SV2C: variants seen among roughly 807,000 people sequenced by gnomAD.
The protein encoded by SV2C is solute carrier family 22 member B3.
Under a neutral mutation model 79.7 loss-of-function variants are expected in SV2C, and 49 were observed. That is an observed-to-expected ratio of 0.61 (90% CI 0.49 to 0.78). The LOEUF is 0.78. Ranked by LOEUF, SV2C falls within the 30% of genes least tolerant of loss-of-function variation. The probability of loss-of-function intolerance (pLI) is 0.00; values close to 1 mark genes in which losing one functional copy is unlikely to be tolerated. For synonymous variants in SV2C, 334 were observed against 333.2 expected (o/e 1.00, Z -0.03); for missense variants, 833 against 912.9 (o/e 0.91, Z 1.13).
chr5:76,260,349 G>A (rs1746423700), intron 4 of SV2C, among the ~76,000 whole-genome samples: 1 of 151,866 alleles, frequency 6.6e-6, no homozygotes, highest in East Asian at 1.9e-4. Context: ...GTAAACCTTT[G>A]TCAGATGGAT....
At chr5:76,084,939 G>A (rs1227916070) in intron 1 of SV2C, among the ~76,000 whole-genome samples, 1 of 152,088 alleles carries the variant, frequency 6.6e-6, no homozygotes, top group African/African-American at 2.4e-5. Flanking sequence ...CGCAGCTACC[G>A]GGCGCTCCCC....
At chr5:76,197,249 T>C (rs575006867) in intron 3 of SV2C, among the ~76,000 whole-genome samples, 2 of 152,336 alleles carry the variant, frequency 1.3e-5, no homozygotes, top group African/African-American at 4.8e-5. Context: ...CACTCACTCA[T>C]AGTTTGGCAT....
the SV2C span, among the ~76,000 whole-genome samples, chr5:76,010,742 A>G: frequency 6.6e-6 from 1 of 152,162 alleles, no homozygotes; most frequent in Admixed American, 6.6e-5. Flanking sequence ...CTGAAGGAAA[A>G]AAGGGTCCAG....
chr5:75,979,565 T>A, the SV2C span, among the ~76,000 whole-genome samples: 1 of 140,898 alleles, frequency 7.1e-6, no homozygotes, highest in East Asian at 1.9e-4. Flanking sequence ...AAATAAAGAC[T>A]AGGAAATTCA....
At chr5:76,154,687 G>A (rs6898301) in intron 2 of SV2C, among the ~76,000 whole-genome samples, 72,217 of 151,974 alleles carry the variant, frequency 0.48, 17,377 homozygotes, top group South Asian at 0.53. Flanking sequence ...CAGAAAAACT[G>A]AAAATTACTA....
rs1225429953 is a variant in SV2C, at chr5:76,328,681, T to C, written c.*3134T>C. On this transcript the variant is annotated 3_prime_UTR_variant, in exon 13 of 13. Transcript: ENST00000502798. Reference sequence around the variant, plus strand: ...CTTTCCCCGTGCACAAAATAAAGGATTGGGACTAGTCTGCTCTCCACTCTC... The same window carrying C: ...CTTTCCCCGTGCACAAAATAAAGGACTGGGACTAGTCTGCTCTCCACTCTC... The C allele has an allele frequency of 6.6e-6, 1 of 152,184 alleles. No individual in the cohort carries two copies. The highest frequency in any genetic ancestry group is 2.1e-4 in the South Asian group (1 of 4,824). The allele number at this position is 152,184 out of a possible 1,614,324, so 9.4% of individuals were successfully genotyped here.
the SV2C span, among the ~76,000 whole-genome samples, chr5:75,964,639 A>C: frequency 6.6e-6 from 1 of 152,154 alleles, no homozygotes; most frequent in South Asian, 2.1e-4. Context: ...AGCTTCCACA[A>C]AATATTCTGG....
chr5:76,303,795 T>A (rs1021584615), intron 12 of SV2C, among the ~76,000 whole-genome samples: 4 of 152,210 alleles, frequency 2.6e-5, no homozygotes, highest in African/African-American at 9.7e-5. Flanking sequence ...ATGAAGCAGA[T>A]GTCAGGATGG....
chr5:76,113,395 C>T (rs1281191507), intron 1 of SV2C, among the ~76,000 whole-genome samples: 1 of 152,194 alleles, frequency 6.6e-6, no homozygotes, highest in African/African-American at 2.4e-5. Flanking sequence ...TTCTGTGGAG[C>T]AGGTGCAAAA....
the SV2C span, among the ~76,000 whole-genome samples, chr5:75,949,322 C>T: frequency 2.6e-5 from 4 of 152,022 alleles, no homozygotes; most frequent in African/African-American, 9.7e-5. Context: ...TGGACTAGTA[C>T]ACTGACTTAG....
At chr5:76,127,829 A>T (rs1748760407) in intron 1 of SV2C, among the ~76,000 whole-genome samples, 1 of 152,110 alleles carries the variant, frequency 6.6e-6, no homozygotes, top group Admixed American at 6.5e-5. Flanking sequence ...GTGGGGAAAA[A>T]TTCCGAGGCA....
At chr5:76,079,990 C>A (rs539070959), upstream of SV2C, among the ~76,000 whole-genome samples, 16 of 151,650 alleles carry the variant, frequency 1.1e-4, no homozygotes, top group Non-Finnish European at 2.1e-4. Flanking sequence ...AACAGCACAG[C>A]AAAGACTGCC....
intron 10 of SV2C, among the ~76,000 whole-genome samples, chr5:76,300,233 T>G (rs906313808): frequency 6.6e-5 from 10 of 150,856 alleles, no homozygotes; most frequent in African/African-American, 2.4e-4. Context: ...CAAGCTAGTC[T>G]TGAACTCCTG....
chr5:75,993,283 T>G, the SV2C span, among the ~76,000 whole-genome samples: 4 of 152,178 alleles, frequency 2.6e-5, no homozygotes, highest in South Asian at 8.3e-4. Flanking sequence ...CAAAACATTG[T>G]AACATTTTTC....
chr5:76,032,864 CA>C, the SV2C span, among the ~76,000 whole-genome samples: 2 of 152,340 alleles, frequency 1.3e-5, no homozygotes, highest in African/African-American at 4.8e-5. Flanking sequence ...GTCCCACCAA[CA>C]GTATAAAAGT....
In SV2C at chr5:76,216,310, A is replaced by T. The variant is rs10051522; in HGVS notation, c.913+6423A>T. 2.6e-5 allele frequency among the ~76,000 whole-genome samples: 4 copies of T among 151,892 alleles called. No homozygotes were observed. In the East Asian group the frequency reaches 5.8e-4, roughly 22 times the overall value. ...CACCCAATGCTGACAAGACCTTAGG[A>T]GGCAGAGTGCTTGGCTGTGGTCACA... On this transcript the variant is annotated intron_variant, in intron 4 of 12. Transcript: ENST00000502798.
At chr5:75,869,066 T>C in the SV2C span, among the ~76,000 whole-genome samples, 34,242 of 152,056 alleles carry the variant, frequency 0.23, 5,461 homozygotes, top group African/African-American at 0.46. Flanking sequence ...GGACTTTGTC[T>C]TGTACTTTAG....
At chr5:76,325,334 C>G in intron 12 of SV2C, 30 bp from the exon 13 acceptor site, 2 of 1,606,310 alleles carry the variant, frequency 1.2e-6, no homozygotes, top group Non-Finnish European at 1.7e-6. Flanking sequence ...GGCATTTTCT[C>G]AACCTTGTTC....
the SV2C span, among the ~76,000 whole-genome samples, chr5:76,017,292 G>A: frequency 2.6e-5 from 4 of 152,074 alleles, no homozygotes. Context: ...AAGTGTTGTT[G>A]TTGTTGTTGT....
Sources: gnomAD v4.1 joint callset for allele counts (sites outside exome capture counted in the v4.1 genomes callset) on GRCh38, gnomAD v4.1.1 for gene constraint, MANE v1.5 for transcripts, NCBI Gene and HGNC (gene_info 2026-07-23, HGNC 2026-07-21) for gene names.